TRPM6: variants seen among roughly 807,000 people sequenced by gnomAD.
TRPM6 encodes the protein transient receptor potential cation channel subfamily M member 6.
In TRPM6, 111 loss-of-function variants were observed where a neutral mutation model predicts 247.6. That is an observed-to-expected ratio of 0.45 (90% CI 0.38 to 0.52). The LOEUF (loss-of-function observed/expected upper bound fraction) is 0.52. TRPM6 is among the 20% of genes least tolerant of loss of function. The pLI, the probability that TRPM6 is intolerant of heterozygous loss-of-function variation, is 0.00. For missense variants in TRPM6, 2,126 were observed against 2,421.5 expected (o/e 0.88, Z 2.56); for synonymous variants, 892 against 853.8 (o/e 1.04, Z -0.78).
At chr9:74,834,243 C>T (rs1178079228) in intron 5 of TRPM6, 121 bp from the exon 6 acceptor site, 1 of 1,206,940 alleles carries the variant, frequency 8.3e-7, no homozygotes. Context: ...GGGAGAGTTG[C>T]TGGTACAGTG....
At chr9:74,758,619 A>T (rs1470555759) in intron 27 of TRPM6, among the ~76,000 whole-genome samples, 1 of 152,204 alleles carries the variant, frequency 6.6e-6, no homozygotes, top group African/African-American at 2.4e-5. Context: ...AACTAAAAAC[A>T]GAAGGAAAGT....
intron 13 of TRPM6, among the ~76,000 whole-genome samples, chr9:74,810,317 C>T (rs1472978358): frequency 6.6e-6 from 1 of 152,132 alleles, no homozygotes; most frequent in East Asian, 1.9e-4. Context: ...ACACCATGAG[C>T]AAAACATGAC....
intron 17 of TRPM6, among the ~76,000 whole-genome samples, chr9:74,798,304 C>T (rs1308229917): frequency 6.6e-6 from 1 of 151,134 alleles, no homozygotes; most frequent in Non-Finnish European, 1.5e-5. Context: ...TTTTGTCACC[C>T]TGTTTTAAAG....
intron 24 of TRPM6, among the ~76,000 whole-genome samples, chr9:74,773,783 GA>G (rs1220267583): frequency 3.3e-5 from 5 of 152,120 alleles, no homozygotes; most frequent in Non-Finnish European, 7.4e-5. Flanking sequence ...ATTTTAAATT[GA>G]AAACATGGCT....
intron 7 of TRPM6, among the ~76,000 whole-genome samples, chr9:74,825,876 C>T (rs1829313957): frequency 6.6e-6 from 1 of 152,110 alleles, no homozygotes. Context: ...CAAGGTCCTT[C>T]TCTGACCTCT....
rs776925500 is a variant in TRPM6, at chr9:74,776,082, A to C, written c.3210-6T>G. ...CCATATCTAAGTAAACGTTGCTGTA[A>C]GATGAAGTAAGAGAGGGACAATGTT... On this transcript the variant is annotated splice_region_variant and splice_polypyrimidine_tract_variant and intron_variant, in intron 23 of 38. Transcript: ENST00000360774. The C allele has an allele frequency of 1.2e-6, 2 of 1,609,190 alleles. No individual in the cohort carries two copies. The highest frequency in any genetic ancestry group is 2.7e-5 in the African/African-American group (2 of 74,804).
intron 16 of TRPM6, among the ~76,000 whole-genome samples, chr9:74,801,243 A>ATTTTTTTTTTTTTTTT (rs59490187): frequency 9.4e-5 from 8 of 85,252 alleles, no homozygotes; most frequent in Non-Finnish European, 1.1e-4. Context: ...AAGCCTGGGA[A>ATTTTTTTTTTTTTTTT]TTTTTTTTTT....
chr9:74,862,867 G>GT (rs1291863801), intron 1 of TRPM6, among the ~76,000 whole-genome samples: 2 of 151,758 alleles, frequency 1.3e-5, no homozygotes, highest in Non-Finnish European at 2.9e-5. Flanking sequence ...TATAGTCCCA[G>GT]TTACTCAGGA....
rs1167560506 is a variant in TRPM6, at chr9:74,842,363, A to T, written c.153-20T>A. On this transcript the variant is annotated intron_variant, in intron 3 of 38. Coordinates refer to ENST00000360774, the MANE Select transcript of TRPM6 (RefSeq NM_017662.5). ...TAACACCTTAAATTCAAGACCAAAA[A>T]AAAACTCAACTTCAAAATAGAAAAT... 6.2e-7 allele frequency: 1 copy of T among 1,614,064 alleles called. No individual in the cohort carries two copies. The highest frequency in any genetic ancestry group is 1.3e-5 in the African/African-American group (1 of 75,036).
intron 31 of TRPM6, among the ~76,000 whole-genome samples, chr9:74,747,510 T>C (rs935743712): frequency 1.3e-5 from 2 of 152,198 alleles, no homozygotes; most frequent in African/African-American, 4.8e-5. Flanking sequence ...GGGCCCCAGA[T>C]CTTACTAAAA....
chr9:74,743,751 A>C (rs569606304), intron 32 of TRPM6, among the ~76,000 whole-genome samples: 1 of 152,308 alleles, frequency 6.6e-6, no homozygotes, highest in African/African-American at 2.4e-5. Flanking sequence ...AACTACTTTC[A>C]GGTCTGCCTT....
intron 1 of TRPM6, among the ~76,000 whole-genome samples, chr9:74,878,500 A>C (rs1486902657): frequency 1.3e-5 from 2 of 152,206 alleles, no homozygotes; most frequent in African/African-American, 4.8e-5. Context: ...CACTGAGCAA[A>C]TCTCAGACAC....
In TRPM6 at chr9:74,776,085, T is replaced by C; in HGVS notation, c.3210-9A>G. The stretch of plus-strand genomic sequence containing the variant: ...TATCTAAGTAAACGTTGCTGTAAGA[T>C]GAAGTAAGAGAGGGACAATGTTTTA... On this transcript the variant is annotated splice_polypyrimidine_tract_variant and intron_variant, in intron 23 of 38. Transcript: ENST00000360774. 2 of 1,609,742 alleles carry C rather than the reference T, an allele frequency of 1.2e-6. No homozygotes were observed. The highest frequency in any genetic ancestry group is 1.7e-6 in the Non-Finnish European group (2 of 1,176,158).
At chr9:74,884,970 A>G (rs761446360) in intron 1 of TRPM6, among the ~76,000 whole-genome samples, 15 of 152,234 alleles carry the variant, frequency 9.9e-5, no homozygotes, top group Non-Finnish European at 2.1e-4. Flanking sequence ...GCTGTGCATC[A>G]AACATCAAGA....
intron 1 of TRPM6, among the ~76,000 whole-genome samples, chr9:74,873,730 A>AT (rs1252131364): frequency 6.6e-6 from 1 of 152,112 alleles, no homozygotes; most frequent in Non-Finnish European, 1.5e-5. Context: ...AATTATAAAG[A>AT]TTTTTTATCT....
chr9:74,855,498 A>G, intron 3 of TRPM6, 29 bp downstream of exon 3: 2 of 1,560,406 alleles, frequency 1.3e-6, no homozygotes, highest in Non-Finnish European at 8.8e-7. Context: ...CCTAAAAGCT[A>G]AAAGGAATCT....
At chr9:74,759,311 A>C (rs1176786454) in intron 27 of TRPM6, among the ~76,000 whole-genome samples, 1 of 3,106 alleles carries the variant, frequency 3.2e-4, no homozygotes, top group Non-Finnish European at 6.3e-4. Context: ...AACTTTTGAA[A>C]AAGAAAGAAA....
At position 74,762,570 on chromosome 9, in the gene TRPM6, G is replaced by A. The variant is rs758166538; in HGVS notation, c.4101C>T (p.Pro1367=). ...SAETVLPLSR[P]SVPDVLATEQ... ...CAGTTGCCAGCACATCTGGCACAGA[G>A]GGTCTGGACAGAGGCAAGACAGTTT... is the stretch of plus-strand genomic sequence containing the variant. The change falls in exon 26 of 39, where the codon CCC becomes CCT. Residue 1367 remains proline (P), a synonymous_variant. Coordinates refer to ENST00000360774, the MANE Select transcript of TRPM6 (RefSeq NM_017662.5). The A allele has an allele frequency of 6.2e-6, 10 of 1,614,058 alleles. 1 individual carries two copies. The South Asian group carries it at 1.1e-4, about 18-fold the overall frequency.
At position 74,842,205 on chromosome 9, in the gene TRPM6, C is replaced by A; in HGVS notation, c.291G>T (p.Thr97=). 1 of 1,613,666 alleles carries A rather than the reference C, an allele frequency of 6.2e-7. No homozygotes were observed. Among genetic ancestry groups the A allele is most frequent in the Non-Finnish European group, 8.5e-7 (1 of 1,179,986 alleles). Reference sequence around the variant, plus strand: ...TGTGCTCTCCATCTTGGAAATTAATCGTGCCAAAAGTATCTGTTGGGCTTT... The same window carrying A: ...TGTGCTCTCCATCTTGGAAATTAATAGTGCCAAAAGTATCTGTTGGGCTTT... ...TTKSPTDTFG[T]INFQDGEHTH... Residue 97 remains threonine (T), a synonymous_variant, in exon 4 of 39, where the codon ACG becomes ACT. Transcript: ENST00000360774.
Sources: allele counts gnomAD v4.1 joint callset (sites outside exome capture counted in the v4.1 genomes callset), GRCh38; gene constraint gnomAD v4.1.1; transcripts MANE v1.5; gene names NCBI Gene and HGNC (gene_info 2026-07-23, HGNC 2026-07-21).